ARHGEF17: variants seen among roughly 807,000 people sequenced by gnomAD.
ARHGEF17 encodes the protein 164 kDa Rho-specific guanine-nucleotide exchange factor.
ARHGEF17 carries 80 observed loss-of-function variants against 174.0 expected under a neutral mutation model. The ratio of observed to expected loss-of-function variants is 0.46; its 90% CI spans 0.38 to 0.55. The LOEUF is 0.55. Among genes scored for constraint, ARHGEF17 ranks in the 20% least tolerant of loss-of-function variants. ARHGEF17 has a pLI of 0.00. For synonymous variants in ARHGEF17, 1,311 were observed against 1,189.1 expected, an observed-to-expected ratio of 1.10 and a Z score of -2.11; for missense variants, 2,886 against 2,839.7, an observed-to-expected ratio of 1.02 and a Z score of -0.37.
At chr11:73,362,917 C>T (rs1029970184) in intron 14 of ARHGEF17, among the ~76,000 whole-genome samples, 183 bp downstream of exon 14, 2 of 152,146 alleles carry the variant, frequency 1.3e-5, no homozygotes, top group Admixed American at 1.3e-4. Context: ...GACAGTCAGG[C>T]GGGATCATGA....
chr11:73,319,335 T>TA (rs1372302681), intron 1 of ARHGEF17, among the ~76,000 whole-genome samples: 2 of 152,150 alleles, frequency 1.3e-5, no homozygotes, highest in African/African-American at 4.8e-5. Context: ...GTGCTGGAAT[T>TA]ACAGGCGTGA....
chr11:73,309,890 T>A lies in ARHGEF17; in HGVS notation c.1252T>A (p.Ser418Thr). 6.2e-7 allele frequency: 1 copy of A among 1,612,884 alleles called. No homozygotes were observed. The highest frequency in any genetic ancestry group is 1.1e-5 in the South Asian group (1 of 91,064). Residue 418 changes from serine (S) to threonine (T), a missense_variant, in exon 1 of 21, where the codon TCC becomes ACC. Physicochemically the swap from Ser to Thr is moderately conservative, Grantham distance 58. Coordinates refer to ENST00000263674, the MANE Select transcript of ARHGEF17 (RefSeq NM_014786.4). ...RGSGGWGVYR[S>T]PSFGAGEGLL... The stretch of plus-strand genomic sequence containing the variant: ...TTCTGGGGGCTGGGGCGTGTACCGC[T>A]CCCCTAGCTTTGGAGCTGGGGAAGG...
At chr11:73,346,443 C>T (rs1416759395) in intron 1 of ARHGEF17, among the ~76,000 whole-genome samples, 2 of 152,214 alleles carry the variant, frequency 1.3e-5, no homozygotes, top group Non-Finnish European at 2.9e-5. Context: ...GGCAGCCCAG[C>T]CAGGTGGGCA....
intron 20 of ARHGEF17, among the ~76,000 whole-genome samples, chr11:73,366,287 A>G (rs1438885618): frequency 6.6e-6 from 1 of 152,242 alleles, no homozygotes; most frequent in East Asian, 1.9e-4. Context: ...TATTTCCTAT[A>G]TGCACCAGGA....
chr11:73,311,987 T>G (rs182974627), intron 1 of ARHGEF17, among the ~76,000 whole-genome samples, 157 bp downstream of exon 1: 45 of 152,346 alleles, frequency 3.0e-4, no homozygotes, highest in African/African-American at 9.4e-4. Flanking sequence ...TAAGAGTTGT[T>G]AATGACACAG....
chr11:73,367,571 C>T lies in ARHGEF17; in HGVS notation c.5996-13C>T, dbSNP rs1023578377. 3 of 1,604,718 alleles carry T rather than the reference C, an allele frequency of 1.9e-6. No individual in the cohort carries two copies. Among genetic ancestry groups the T allele is most frequent in the Non-Finnish European group, 2.6e-6 (3 of 1,174,088 alleles). The stretch of plus-strand genomic sequence containing the variant: ...TCGCCCCCAAGCTGACAGATCCTCC[C>T]CTCTGCCCCCAGGCCCCGAGAAGCT... On this transcript the variant is annotated splice_polypyrimidine_tract_variant and intron_variant, in intron 20 of 20. Coordinates refer to ENST00000263674, the MANE Select transcript of ARHGEF17 (RefSeq NM_014786.4).
rs139252985 is a variant in ARHGEF17 at position 73,310,973 on chromosome 11, T to C, written c.2335T>C (p.Leu779=). The change falls in exon 1 of 21, where the codon TTG becomes CTG. Residue 779 remains leucine (L), a synonymous_variant. Coordinates refer to ENST00000263674, the MANE Select transcript of ARHGEF17 (RefSeq NM_014786.4). The part of the protein sequence containing the change: ...LPATSAMDEG[L]TSGHSDWSVG... ...TGCCACCTCAGCCATGGATGAGGGC[T>C]TGACCAGTGGTCACAGTGACTGGTC... is the stretch of plus-strand genomic sequence containing the variant. The C allele has an allele frequency of 1.2e-6, 2 of 1,614,068 alleles. No homozygotes were observed. Among genetic ancestry groups the C allele is most frequent in the African/African-American group, 1.3e-5 (1 of 74,936 alleles).
Position 73,309,663 on chromosome 11 carries a change from G to T in ARHGEF17, c.1025G>T (p.Arg342Leu), listed in dbSNP as rs756724666. Residue 342 changes from arginine (R) to leucine (L), a missense_variant, in exon 1 of 21, where the codon CGG becomes CTG. Physicochemically the swap from Arg to Leu is moderately radical, Grantham distance 102. Transcript: ENST00000263674. ...AGAGCCCCTAGAGAAGAAGGACTCC[G>T]GGAGTGGGGTAGTGGCTCTCCGCCC... ...SPRAPREEGL[R>L]EWGSGSPPCV... The T allele has an allele frequency of 1.2e-5, 20 of 1,613,004 alleles. No homozygotes were observed. Among genetic ancestry groups the T allele is most frequent in the Non-Finnish European group, 1.4e-5 (17 of 1,180,042 alleles).
rs115447301 is a variant in ARHGEF17, at chr11:73,311,884, C to T, written c.3192+54C>T. On this transcript the variant is annotated intron_variant, in intron 1 of 20. Transcript: ENST00000263674. The stretch of plus-strand genomic sequence containing the variant: ...GGGGCCAAAGAAGGGCCATGGGCAC[C>T]GACTTCGGTTGGAGCCTTTTGCATT... The T allele has an allele frequency of 8.6e-4, 1,323 of 1,531,100 alleles. 6 individuals carry two copies. In the African/African-American group the frequency reaches 0.015, roughly 18 times the overall value. 94.8% of individuals were successfully genotyped at this position (1,531,100 alleles called of 1,614,324 possible).
Position 73,309,605 on chromosome 11 carries a change from G to A in ARHGEF17, c.967G>A (p.Val323Ile), listed in dbSNP as rs766975112. 3 of 1,612,914 alleles carry A rather than the reference G, an allele frequency of 1.9e-6. No homozygotes were observed. The highest frequency in any genetic ancestry group is 1.1e-5 in the South Asian group (1 of 91,094). Residue 323 changes from valine to isoleucine, a missense_variant, in exon 1 of 21, where the codon GTT becomes ATT. By Grantham distance (29) the Val-to-Ile change is conservative. Around this residue, in one of 4 missense-constraint regions of ARHGEF17, gnomAD observed 1,728 missense variants for 1,461.2 expected, o/e 1.18. Transcript: ENST00000263674. ...LNLSSMNSAG[V>I]SGSPEPPTSP... is the part of the protein sequence containing the mutation. ...TCTAAGCAGCATGAACTCAGCAGGG[G>A]TTTCTGGGAGCCCTGAGCCCCCAAC...
intron 6 of ARHGEF17, 68 bp downstream of exon 6, chr11:73,356,419 G>T: frequency 6.7e-7 from 1 of 1,485,858 alleles, no homozygotes; most frequent in Non-Finnish European, 8.9e-7. Context: ...CGGCCTCTGT[G>T]TGCATCTGTG....
intron 20 of ARHGEF17, 115 bp downstream of exon 20, chr11:73,366,062 G>A: frequency 7.4e-7 from 1 of 1,355,488 alleles, no homozygotes; most frequent in Non-Finnish European, 9.9e-7. Context: ...TAGAGCTGGA[G>A]GTGGCATATG....
chr11:73,310,168 A>T lies in ARHGEF17; in HGVS notation c.1530A>T (p.Ala510=). 6.2e-7 allele frequency: 1 copy of T among 1,613,966 alleles called. No homozygotes were observed. Among genetic ancestry groups the T allele is most frequent in the Non-Finnish European group, 8.5e-7 (1 of 1,179,998 alleles). Residue 510 remains alanine, a synonymous_variant, in exon 1 of 21, where the codon GCA becomes GCT. Coordinates refer to ENST00000263674, the MANE Select transcript of ARHGEF17 (RefSeq NM_014786.4). ...NPLDGRDSPS[A]GGPVGQLEPI... The stretch of plus-strand genomic sequence containing the variant: ...TAGATGGCAGAGACTCACCATCCGC[A>T]GGTGGCCCTGTGGGGCAACTTGAAC...
intron 1 of ARHGEF17, among the ~76,000 whole-genome samples, chr11:73,346,308 CT>C (rs1865460109): frequency 6.6e-6 from 1 of 152,210 alleles, no homozygotes; most frequent in Non-Finnish European, 1.5e-5. Context: ...GGGATCCAGC[CT>C]TGTCTGAGAC....
chr11:73,329,068 T>G (rs1048962621), intron 1 of ARHGEF17, among the ~76,000 whole-genome samples: 8 of 151,714 alleles, frequency 5.3e-5, no homozygotes, highest in African/African-American at 1.9e-4. Context: ...TTTGAATAGA[T>G]GATATATTCA....
At chr11:73,357,474 C>A in intron 9 of ARHGEF17, 147 bp downstream of exon 9, 1 of 702,480 alleles carries the variant, frequency 1.4e-6, no homozygotes, top group African/African-American at 1.8e-5. Flanking sequence ...AGGGGGCTGG[C>A]ATGAAGGACC....
intron 12 of ARHGEF17, 117 bp from the exon 13 acceptor site, chr11:73,361,923 C>T (rs2134421618): frequency 3.0e-6 from 2 of 661,598 alleles, no homozygotes; most frequent in Middle Eastern, 3.5e-4. Flanking sequence ...AGGGCATCCA[C>T]ACACACACAC....
At chr11:73,314,647 CAG>C (rs1864899488) in intron 1 of ARHGEF17, among the ~76,000 whole-genome samples, 2 of 152,166 alleles carry the variant, frequency 1.3e-5, no homozygotes, top group South Asian at 4.1e-4. Context: ...CCCAGGAGAA[CAG>C]GGAGTAACAG....
chr11:73,327,229 C>A (rs1865117076), intron 1 of ARHGEF17, among the ~76,000 whole-genome samples: 1 of 152,040 alleles, frequency 6.6e-6, no homozygotes, highest in Middle Eastern at 3.4e-3. Flanking sequence ...GACACAGGCC[C>A]TTTGAGGGAG....
Sources: allele counts gnomAD v4.1 joint callset (sites outside exome capture counted in the v4.1 genomes callset), GRCh38; gene constraint gnomAD v4.1.1; regional missense constraint gnomAD v4.1.1; transcripts MANE v1.5; gene names NCBI Gene and HGNC (gene_info 2026-07-23, HGNC 2026-07-21).